Variants in ULBP3 observed in about 807,000 individuals in gnomAD.
The protein encoded by ULBP3 is UL16-binding protein 3.
ULBP3 carries 25 observed loss-of-function variants against 24.9 expected under a neutral mutation model. The observed-to-expected ratio is 1.00, with a 90% CI of 0.73 to 1.40. The LOEUF (loss-of-function observed/expected upper bound fraction) is 1.40. Among genes scored for constraint, ULBP3 ranks in the 40% most tolerant of loss-of-function variants. The pLI, the probability that ULBP3 is intolerant of heterozygous loss-of-function variation, is 0.00. For missense variants in ULBP3, 306 were observed against 307.5 expected (o/e 1.00, Z 0.04); for synonymous variants, 114 against 114.7 (o/e 0.99, Z 0.04).
chr6:150,067,403 G>GT (rs1776363132), intron 1 of ULBP3, among the ~76,000 whole-genome samples: 1 of 152,154 alleles, frequency 6.6e-6, no homozygotes, highest in African/African-American at 2.4e-5. Context: ...CACTCCTAGT[G>GT]GACACAGTGT....
chr6:150,066,568 C>CA (rs1371823458), intron 1 of ULBP3, among the ~76,000 whole-genome samples: 1 of 152,166 alleles, frequency 6.6e-6, no homozygotes, highest in Non-Finnish European at 1.5e-5. Flanking sequence ...GGTAACAAGA[C>CA]ATGGTAAGTT....
At chr6:150,064,844 T>G in intron 3 of ULBP3, 131 bp from the exon 4 acceptor site, 5 of 885,432 alleles carry the variant, frequency 5.6e-6, no homozygotes, top group Non-Finnish European at 8.8e-6. Flanking sequence ...GGGCAGCCGC[T>G]GTGACAGGTC....
In ULBP3 at chr6:150,069,045, C is replaced by T. The variant is rs371018793; in HGVS notation, c.22G>A (p.Ala8Thr). ...AGAATCGCGAGGCGCGGAAGGATCG[C>T]GGGGCTGGCGGCCGCTGCCATTGTA... MAAAASP[A>T]ILPRLAILPY... The change falls in exon 1 of 5, where the codon GCG becomes ACG. Residue 8 changes from alanine (A) to threonine (T), a missense_variant. Ala to Thr is a moderately conservative substitution (Grantham distance 58, BLOSUM62 0). Coordinates refer to ENST00000367339, the MANE Select transcript of ULBP3 (RefSeq NM_024518.3). The T allele has an allele frequency of 3.7e-6, 6 of 1,610,686 alleles. No individual in the cohort carries two copies. Among genetic ancestry groups the T allele is most frequent in the Middle Eastern group, 1.6e-4 (1 of 6,074 alleles).
In ULBP3 at chr6:150,065,879, C is replaced by A. The variant is rs1206044688; in HGVS notation, c.352+20G>T. The A allele has an allele frequency of 5.6e-6, 9 of 1,611,182 alleles. No homozygotes were observed. The highest frequency in any genetic ancestry group is 1.7e-4 in the Middle Eastern group (1 of 5,818). The stretch of plus-strand genomic sequence containing the variant: ...GAGCCCACAGTCTGCTCCCTTCTGT[C>A]CTTGGTCTCTTTCACTCACCACTGG... On this transcript the variant is annotated intron_variant, in intron 2 of 4. Coordinates refer to ENST00000367339, the MANE Select transcript of ULBP3 (RefSeq NM_024518.3).
Position 150,064,599 on chromosome 6 carries a change from G to A in ULBP3, c.*8C>T, listed in dbSNP as rs557427034. ...GCCCACAGTACCTGTCACTCTAAAT[G>A]ACTCTTCTCAGATGCCAGGGAGGAT... On this transcript the variant is annotated 3_prime_UTR_variant, in exon 4 of 5. Coordinates refer to ENST00000367339, the MANE Select transcript of ULBP3 (RefSeq NM_024518.3). 1 of 1,613,664 alleles carries A rather than the reference G, an allele frequency of 6.2e-7. No individual in the cohort carries two copies.
intron 4 of ULBP3, 26 bp downstream of exon 4, chr6:150,064,559 T>TC: frequency 1.3e-6 from 2 of 1,595,864 alleles, no homozygotes; most frequent in Non-Finnish European, 1.7e-6. Flanking sequence ...TGTCTCTCGT[T>TC]CCCCTCACAG....
intron 4 of ULBP3, among the ~76,000 whole-genome samples, chr6:150,063,719 G>A (rs1211913071): frequency 1.3e-5 from 2 of 152,208 alleles, no homozygotes; most frequent in Non-Finnish European, 2.9e-5. Context: ...GGGTTTGTAG[G>A]CAAACCTTCT....
intron 1 of ULBP3, 119 bp downstream of exon 1, chr6:150,068,860 G>A (rs1013857640): frequency 9.5e-6 from 10 of 1,053,462 alleles, no homozygotes; most frequent in East Asian, 2.8e-5. Flanking sequence ...TGAGCGTGGG[G>A]GCAGTCCGGG....
At chr6:150,063,625 C>T (rs1776302822) in intron 4 of ULBP3, among the ~76,000 whole-genome samples, 1 of 152,234 alleles carries the variant, frequency 6.6e-6, no homozygotes, top group South Asian at 2.1e-4. Context: ...GGGCCTGCTC[C>T]TCCCTTTCAT....
rs897145978 is a variant in ULBP3 at position 150,069,117 on chromosome 6, C to T, written c.-51G>A. On this transcript the variant is annotated 5_prime_UTR_variant, in exon 1 of 5. Coordinates refer to ENST00000367339, the MANE Select transcript of ULBP3 (RefSeq NM_024518.3). ...AAGGCGCAGTCGATGTGGAGACCAG[C>T]GTATGAATCACTTCGGCCCTCGCAT... is the stretch of plus-strand genomic sequence containing the variant. 2.5e-6 allele frequency: 4 copies of T among 1,576,112 alleles called. No homozygotes were observed. The highest frequency in any genetic ancestry group is 3.6e-5 in the Admixed American group (2 of 56,028).
At chr6:150,067,971 T>C (rs1470831888) in intron 1 of ULBP3, among the ~76,000 whole-genome samples, 1 of 152,104 alleles carries the variant, frequency 6.6e-6, no homozygotes, top group East Asian at 1.9e-4. Context: ...CCACACAGCC[T>C]CAGAGCTGCC....
chr6:150,068,890 T>C, intron 1 of ULBP3, 89 bp downstream of exon 1: 3 of 1,373,618 alleles, frequency 2.2e-6, no homozygotes, highest in East Asian at 2.6e-5. Context: ...CCGGTCCTTC[T>C]AGAAGGCTTC....
chr6:150,068,100 C>T (rs1356699173), intron 1 of ULBP3, among the ~76,000 whole-genome samples: 2 of 152,136 alleles, frequency 1.3e-5, no homozygotes, highest in African/African-American at 2.4e-5. Flanking sequence ...CAAGAAGCTG[C>T]ACAAGCAGTT....
chr6:150,066,316 C>T (rs113486599), intron 1 of ULBP3, among the ~76,000 whole-genome samples, 154 bp from the exon 2 acceptor site: 17 of 152,258 alleles, frequency 1.1e-4, no homozygotes, highest in East Asian at 1.9e-4. Flanking sequence ...AACCATGGGT[C>T]GCTAACATGT....
chr6:150,065,316 C>T (rs1776329184), intron 3 of ULBP3, 82 bp downstream of exon 3: 1 of 1,569,942 alleles, frequency 6.4e-7, no homozygotes, highest in Non-Finnish European at 8.7e-7. Context: ...TACACCCACA[C>T]CCACCATACT....
chr6:150,068,247 C>G (rs1224026537), intron 1 of ULBP3, among the ~76,000 whole-genome samples: 1 of 152,134 alleles, frequency 6.6e-6, no homozygotes, highest in Non-Finnish European at 1.5e-5. Flanking sequence ...CAGTAGGCCC[C>G]GAACCATGGG....
intron 3 of ULBP3, among the ~76,000 whole-genome samples, chr6:150,064,927 G>A (rs1776323640): frequency 6.6e-6 from 1 of 152,086 alleles, no homozygotes; most frequent in Non-Finnish European, 1.5e-5. Flanking sequence ...GAAGCAAGGT[G>A]ACAGCACAGC....
In ULBP3 at chr6:150,062,616, A is replaced by G. The variant is rs1776286694; in HGVS notation, c.*758T>C. On this transcript the variant is annotated 3_prime_UTR_variant, in exon 5 of 5. Transcript: ENST00000367339. The stretch of plus-strand genomic sequence containing the variant: ...GGTCAGTGCATGGAAAGGATCCCTG[A>G]GGTCTGAAGTCCTGCATGCTATTTT... Among the ~76,000 whole-genome samples the G allele has an allele frequency of 6.6e-6, 1 of 152,240 alleles. No individual in the cohort carries two copies. The highest frequency in any genetic ancestry group is 2.4e-5 in the African/African-American group (1 of 41,470).
intron 1 of ULBP3, among the ~76,000 whole-genome samples, chr6:150,068,223 A>G (rs1004432917): frequency 6.6e-6 from 1 of 152,166 alleles, no homozygotes; most frequent in Non-Finnish European, 1.5e-5. Flanking sequence ...CTACTCAGCA[A>G]CAAAGGAGGG....
Sources: allele counts gnomAD v4.1 joint callset (sites outside exome capture counted in the v4.1 genomes callset), GRCh38; gene constraint gnomAD v4.1.1; transcripts MANE v1.5; gene names NCBI Gene and HGNC (gene_info 2026-07-23, HGNC 2026-07-21).